PSMD7: variants seen among roughly 807,000 people sequenced by gnomAD.
The protein encoded by PSMD7 is 26S proteasome non-ATPase regulatory subunit 7.
A neutral mutation model predicts 36.4 loss-of-function variants in PSMD7; 13 were observed. The ratio of observed to expected loss-of-function variants is 0.36; its 90% CI spans 0.23 to 0.57. The LOEUF is 0.57. Among genes scored for constraint, PSMD7 ranks in the 20% least tolerant of loss-of-function variants. PSMD7 has a pLI of 0.83. For synonymous variants in PSMD7, 186 were observed against 151.0 expected, an observed-to-expected ratio of 1.23 and a Z score of -1.70; for missense variants, 298 against 393.6, an observed-to-expected ratio of 0.76 and a Z score of 2.06.
chr16:74,300,421 T>C (rs934291643), intron 2 of PSMD7: 6 of 571,488 alleles, frequency 1.0e-5, no homozygotes, highest in South Asian at 4.2e-5. Flanking sequence ...TGCTCCTCTC[T>C]GCCATTATAG....
intron 5 of PSMD7, among the ~76,000 whole-genome samples, chr16:74,302,515 G>A (rs527280716): frequency 7.2e-5 from 11 of 152,140 alleles, no homozygotes; most frequent in African/African-American, 2.2e-4. Context: ...TTGAGAGGCC[G>A]AGGTGGGAGG....
At position 74,296,911 on chromosome 16, in the gene PSMD7, C is replaced by G; in HGVS notation, c.-4C>G. ...GCCAGGCCTGGCGAGCGGGGTGTGTCGCGATGCCGGAGCTGGCAGTGCAGA... is the reference window on the plus strand; with the variant it reads ...GCCAGGCCTGGCGAGCGGGGTGTGTGGCGATGCCGGAGCTGGCAGTGCAGA... On this transcript the variant is annotated 5_prime_UTR_variant, in exon 1 of 7. Coordinates refer to ENST00000219313, the MANE Select transcript of PSMD7 (RefSeq NM_002811.5). 1.2e-6 allele frequency: 2 copies of G among 1,613,066 alleles called. No individual in the cohort carries two copies. Among genetic ancestry groups the G allele is most frequent in the African/African-American group, 1.3e-5 (1 of 75,058 alleles).
chr16:74,302,349 C>CTT, intron 5 of PSMD7, 57 bp downstream of exon 5: 26 of 1,256,622 alleles, frequency 2.1e-5, no homozygotes, highest in African/African-American at 3.1e-5. Context: ...GGGTGATTAG[C>CTT]TTTTTTTTTT....
chr16:74,302,266 T>C lies in PSMD7; in HGVS notation c.412T>C (p.Tyr138His). 6.2e-7 allele frequency: 1 copy of C among 1,614,062 alleles called. No individual in the cohort carries two copies. The highest frequency in any genetic ancestry group is 2.2e-5 in the East Asian group (1 of 44,886). The part of the protein sequence containing the change: ...PKDLGLPTEA[Y>H]ISVEEVHDDG... Reference sequence around the variant, plus strand: ...GGACCTAGGGCTGCCTACAGAAGCGTACATTTCAGTGGAAGAAGTCCATGA... The same window carrying C: ...GGACCTAGGGCTGCCTACAGAAGCGCACATTTCAGTGGAAGAAGTCCATGA... The change falls in exon 5 of 7, where the codon TAC (tyrosine) becomes CAC (histidine). Residue 138 changes from tyrosine to histidine, a missense_variant. By Grantham distance (83) the Tyr-to-His change is moderately conservative. Transcript: ENST00000219313.
At chr16:74,300,425 A>G (rs960403143) in intron 2 of PSMD7, 5 of 566,136 alleles carry the variant, frequency 8.8e-6, no homozygotes, top group African/African-American at 5.6e-5. Flanking sequence ...CCTCTCTGCC[A>G]TTATAGTGCA....
At chr16:74,298,638 G>C (rs767627976) in intron 1 of PSMD7, among the ~76,000 whole-genome samples, 1 of 152,106 alleles carries the variant, frequency 6.6e-6, no homozygotes, top group Non-Finnish European at 1.5e-5. Flanking sequence ...CGAGGTGGGC[G>C]GATTGCTTGA....
In PSMD7 at chr16:74,300,077, C is replaced by A. The variant is rs762187200; in HGVS notation, c.75-38C>A. On this transcript the variant is annotated intron_variant, in intron 1 of 6. Transcript: ENST00000219313. ...TTATTGTTGGGTTCATGTTTCTGTG[C>A]GAGCCTATCCACACTGACCATCTGT... 4.5e-6 allele frequency: 7 copies of A among 1,542,592 alleles called. No individual in the cohort carries two copies. The African/African-American group carries it at 8.2e-5, about 18-fold the overall frequency.
At chr16:74,301,852 GGT>G (rs1427702759) in intron 4 of PSMD7, among the ~76,000 whole-genome samples, 200 bp downstream of exon 4, 1 of 152,022 alleles carries the variant, frequency 6.6e-6, no homozygotes, top group Non-Finnish European at 1.5e-5. Flanking sequence ...CTAAGTACCA[GGT>G]GTATGAGTTT....
At chr16:74,299,608 C>T (rs1481670619) in intron 1 of PSMD7, 8 of 453,422 alleles carry the variant, frequency 1.8e-5, no homozygotes, top group Non-Finnish European at 3.1e-5. Context: ...TGCCCATGCT[C>T]GTCTCAAACT....
chr16:74,300,133 C>T lies in PSMD7; in HGVS notation c.93C>T (p.Asn31=). 1.2e-6 allele frequency: 2 copies of T among 1,614,122 alleles called. No individual in the cohort carries two copies. Among genetic ancestry groups the T allele is most frequent in the Non-Finnish European group, 1.7e-6 (2 of 1,180,020 alleles). The change falls in exon 2 of 7, where the codon AAC becomes AAT. Residue 31 remains asparagine, a synonymous_variant. Transcript: ENST00000219313. ...CATTCAGAATCGGCAAGGTTGGAAA[C>T]CAGAAGCGTGTTGTTGGTGTGCTTT... ...DHFNRIGKVG[N]QKRVVGVLLG... is the part of the protein sequence containing the mutation.
chr16:74,304,738 C>T (rs1227590492), intron 6 of PSMD7: 3 of 182,880 alleles, frequency 1.6e-5, no homozygotes, highest in Non-Finnish European at 3.4e-5. Context: ...ACAAATGTAG[C>T]CCATTTTCTG....
chr16:74,302,108 A>C, intron 4 of PSMD7, 104 bp from the exon 5 acceptor site: 1 of 917,316 alleles, frequency 1.1e-6, no homozygotes, highest in Non-Finnish European at 1.7e-6. Context: ...GTTCATTTCT[A>C]ATTGATTACA....
intron 6 of PSMD7, 49 bp from the exon 7 acceptor site, chr16:74,305,240 T>G: frequency 1.3e-6 from 2 of 1,545,734 alleles, no homozygotes; most frequent in South Asian, 2.4e-5. Flanking sequence ...CCTGATAACA[T>G]GGTACCCTGA....
chr16:74,302,953 C>G (rs1418636576), intron 5 of PSMD7, among the ~76,000 whole-genome samples: 3 of 152,354 alleles, frequency 2.0e-5, no homozygotes, highest in Non-Finnish European at 2.9e-5. Context: ...TACCAGGGAG[C>G]TTAGAGCCAA....
At chr16:74,299,528 G>A (rs1335816086) in intron 1 of PSMD7, 4 of 454,880 alleles carry the variant, frequency 8.8e-6, no homozygotes, top group South Asian at 3.1e-5. Flanking sequence ...TGAGACTACA[G>A]GCACATCCCC....
At position 74,297,003 on chromosome 16, in the gene PSMD7, T is replaced by C. The variant is rs745987944; in HGVS notation, c.74+15T>C. The stretch of plus-strand genomic sequence containing the variant: ...CATTTCAACCGGTGAGCGAGCGCCC[T>C]ATAGCTGGGCCGGCGGCGCAGCCGC... On this transcript the variant is annotated intron_variant, in intron 1 of 6. Coordinates refer to ENST00000219313, the MANE Select transcript of PSMD7 (RefSeq NM_002811.5). The C allele has an allele frequency of 3.7e-6, 6 of 1,608,666 alleles. No homozygotes were observed. In the South Asian group the frequency reaches 5.6e-5, roughly 15 times the overall value.
chr16:74,300,356 C>G (rs758082672), intron 2 of PSMD7, 150 bp downstream of exon 2: 3 of 672,844 alleles, frequency 4.5e-6, no homozygotes, highest in Non-Finnish European at 5.1e-6. Context: ...AGATTGCACA[C>G]TAGACCAGAC....
rs1426862985 is a variant in PSMD7, at chr16:74,305,976, T to A, written c.*243T>A. Reference sequence around the variant, plus strand: ...ATGATAGTCAGCTCAGGCTTCAGATTGTATGAGAAAAATGAAGAGAAGTCA... The same window carrying A: ...ATGATAGTCAGCTCAGGCTTCAGATAGTATGAGAAAAATGAAGAGAAGTCA... On this transcript the variant is annotated 3_prime_UTR_variant, in exon 7 of 7. Transcript: ENST00000219313. The A allele has an allele frequency of 1.2e-5, 4 of 346,294 alleles. No homozygotes were observed. The highest frequency in any genetic ancestry group is 4.3e-5 in the East Asian group (1 of 23,190). 21.5% of individuals were successfully genotyped at this position (346,294 alleles called of 1,614,324 possible).
At chr16:74,304,976 A>G (rs1157537022) in intron 6 of PSMD7, among the ~76,000 whole-genome samples, 1 of 152,210 alleles carries the variant, frequency 6.6e-6, no homozygotes, top group Non-Finnish European at 1.5e-5. Context: ...TTACCCAGAA[A>G]GTTATTGGTA....
Sources: allele counts gnomAD v4.1 joint callset (sites outside exome capture counted in the v4.1 genomes callset), GRCh38; gene constraint gnomAD v4.1.1; transcripts MANE v1.5; gene names NCBI Gene and HGNC (gene_info 2026-07-23, HGNC 2026-07-21).